RFX2: variants seen among roughly 807,000 people sequenced by gnomAD.
RFX2 encodes DNA-binding protein RFX2.
A neutral mutation model predicts 87.8 loss-of-function variants in RFX2; 20 were observed. That is an observed-to-expected ratio of 0.23 (90% CI 0.16 to 0.33). RFX2 has a LOEUF of 0.33. Ranked by LOEUF, RFX2 falls within the 10% of genes least tolerant of loss-of-function variation. The pLI is 1.00. For missense variants in RFX2, 767 were observed against 1,012.3 expected (o/e 0.76, Z 3.29); for synonymous variants, 397 against 431.3 (o/e 0.92, Z 0.98).
chr19:6,039,855 G>A lies in RFX2; in HGVS notation c.522+125C>T, dbSNP rs1208055568. ...GCTGGCCCGACTCCATCGTGGGGCC[G>A]CCTGGGCCCAGAGCAGACGACAGCC... On this transcript the variant is annotated intron_variant, in intron 5 of 17. Transcript: ENST00000303657. The surrounding 1 kb of genome is among the most constrained non-coding windows in gnomAD (Gnocchi z 5.2). The A allele has an allele frequency of 4.2e-6, 5 of 1,187,966 alleles. No homozygotes were observed. Among genetic ancestry groups the A allele is most frequent in the Admixed American group, 3.0e-5 (1 of 33,724 alleles). 73.6% of individuals were successfully genotyped at this position (1,187,966 alleles called of 1,614,324 possible).
At chr19:6,055,057 C>T (rs972413523) in intron 1 of RFX2, among the ~76,000 whole-genome samples, 1 of 152,104 alleles carries the variant, frequency 6.6e-6, no homozygotes, top group African/African-American at 2.4e-5. Flanking sequence ...AAAAATGGTA[C>T]TTCACAAAGC....
At chr19:6,065,565 T>C (rs547607476) in intron 1 of RFX2, among the ~76,000 whole-genome samples, 79 of 152,200 alleles carry the variant, frequency 5.2e-4, no homozygotes, top group African/African-American at 1.8e-3. Context: ...AAGAATGGCG[T>C]GAACCCGGGA....
chr19:6,008,784 T>C (rs2086623743), intron 9 of RFX2, among the ~76,000 whole-genome samples: 1 of 151,754 alleles, frequency 6.6e-6, no homozygotes, highest in Non-Finnish European at 1.5e-5. Context: ...TTCAAGTGAT[T>C]CTCCTGTCTC....
chr19:6,085,811 G>A (rs1291201424), intron 1 of RFX2, among the ~76,000 whole-genome samples: 1 of 152,120 alleles, frequency 6.6e-6, no homozygotes, highest in Non-Finnish European at 1.5e-5. Flanking sequence ...AAAAGTCCTG[G>A]CTGGGCACAG....
In RFX2 at chr19:6,013,614, G is replaced by A. The variant is rs2086687537; in HGVS notation, c.780-509C>T. Among the ~76,000 whole-genome samples, 1 of 152,022 alleles carries A rather than the reference G, an allele frequency of 6.6e-6. No individual in the cohort carries two copies. Among genetic ancestry groups the A allele is most frequent in the Admixed American group, 6.6e-5 (1 of 15,266 alleles). ...GAGGTCACTATCACTTGACCTCCTG[G>A]GATCAAGTGATCCTCCTGCCTCAGC... is the stretch of plus-strand genomic sequence containing the variant. On this transcript the variant is annotated intron_variant, in intron 7 of 17. Coordinates refer to ENST00000303657, the MANE Select transcript of RFX2 (RefSeq NM_000635.4). This position sits in a 1 kb window ranked among gnomAD's most constrained non-coding sequence, Gnocchi z 4.1.
chr19:6,068,388 G>A (rs1474159162), intron 1 of RFX2: 3 of 152,162 alleles, frequency 2.0e-5, no homozygotes, highest in African/African-American at 4.8e-5. Context: ...TAGACCATGC[G>A]GGAGGATAGG....
At chr19:6,065,083 T>C (rs2087490681) in intron 1 of RFX2, among the ~76,000 whole-genome samples, 1 of 152,224 alleles carries the variant, frequency 6.6e-6, no homozygotes, top group Admixed American at 6.5e-5. Flanking sequence ...CTCTAATTCC[T>C]GAAAAATGAC....
chr19:6,021,494 G>C lies in RFX2; in HGVS notation c.597+4669C>G, dbSNP rs537077755. Among the ~76,000 whole-genome samples, 2 of 152,180 alleles carry C rather than the reference G, an allele frequency of 1.3e-5. No individual in the cohort carries two copies. Among genetic ancestry groups the C allele is most frequent in the East Asian group, 1.9e-4 (1 of 5,186 alleles). On this transcript the variant is annotated intron_variant, in intron 6 of 17. Transcript: ENST00000303657. The surrounding 1 kb of genome is among the most constrained non-coding windows in gnomAD (Gnocchi z 5.7). ...GAGGGACTGGAGGGAGGACTGCAACGGTATAGTAAGTTGAGGTGGGGTGGG... is the reference window on the plus strand; with the variant it reads ...GAGGGACTGGAGGGAGGACTGCAACCGTATAGTAAGTTGAGGTGGGGTGGG...
chr19:6,081,226 C>T (rs1233117348), intron 1 of RFX2, among the ~76,000 whole-genome samples: 2 of 152,056 alleles, frequency 1.3e-5, no homozygotes, highest in East Asian at 1.9e-4. Flanking sequence ...GTCTGCTTCC[C>T]GGCCGGGTAT....
chr19:5,994,726 ACAT>A lies in RFX2; in HGVS notation c.*106_*108del, dbSNP rs2144652120. ...GGAGCCCCCGCTTGAGTCAAAGTAA[ACAT>A]CACATCATCTAAGAGGCACTAATTT... On this transcript the variant is annotated 3_prime_UTR_variant, in exon 18 of 18. Coordinates refer to ENST00000303657, the MANE Select transcript of RFX2 (RefSeq NM_000635.4). 1 of 710,420 alleles carries A rather than the reference ACAT, an allele frequency of 1.4e-6. No individual in the cohort carries two copies. Among genetic ancestry groups the A allele is most frequent in the East Asian group, 2.7e-5 (1 of 36,922 alleles). 44.0% of individuals were successfully genotyped at this position (710,420 alleles called of 1,614,324 possible).
rs1037768102 is a variant in RFX2 at position 6,026,452 on chromosome 19, G to T, written c.523-215C>A. On this transcript the variant is annotated intron_variant, in intron 5 of 17. Coordinates refer to ENST00000303657, the MANE Select transcript of RFX2 (RefSeq NM_000635.4). This position sits in a 1 kb window ranked among gnomAD's most constrained non-coding sequence, Gnocchi z 4.5. Reference sequence around the variant, plus strand: ...AGGGAGTGTTGCTTCGCACACGTAGGTAAGCCCGAGAGCCCGTCCAACAGA... The same window carrying T: ...AGGGAGTGTTGCTTCGCACACGTAGTTAAGCCCGAGAGCCCGTCCAACAGA... The T allele has an allele frequency of 5.1e-6, 3 of 589,918 alleles. No individual in the cohort carries two copies. The highest frequency in any genetic ancestry group is 9.0e-6 in the Non-Finnish European group (3 of 332,900). 36.5% of individuals were successfully genotyped at this position (589,918 alleles called of 1,614,324 possible). A position where few individuals can be genotyped will look rare whatever the true frequency, so the allele number is the denominator to read the frequency against.
rs192185915 is a variant in RFX2, at chr19:6,052,337, A to G, written c.-8-4833T>C. ...GATGATCAATTTATCAGTATGACAT[A>G]TTGATTACAGATATGTATGTACCTA... On this transcript the variant is annotated intron_variant, in intron 1 of 17. Coordinates refer to ENST00000303657, the MANE Select transcript of RFX2 (RefSeq NM_000635.4). Among the ~76,000 whole-genome samples, 434 of 152,352 alleles carry G rather than the reference A, an allele frequency of 2.8e-3. 2 individuals carry two copies. Among genetic ancestry groups the G allele is most frequent in the African/African-American group, 9.7e-3 (404 of 41,590 alleles).
chr19:6,092,723 G>A (rs1423033297), intron 1 of RFX2, among the ~76,000 whole-genome samples: 1 of 151,804 alleles, frequency 6.6e-6, no homozygotes, highest in Non-Finnish European at 1.5e-5. Flanking sequence ...CAGAGGAGGG[G>A]CCGGGGGAGG....
At chr19:6,035,017 C>T (rs1177837356) in intron 5 of RFX2, among the ~76,000 whole-genome samples, 1 of 152,232 alleles carries the variant, frequency 6.6e-6, no homozygotes, top group Non-Finnish European at 1.5e-5. Context: ...ATTTTAACTT[C>T]AGCTGCAATT....
At position 6,016,216 on chromosome 19, in the gene RFX2, C is replaced by T; in HGVS notation, c.653G>A (p.Ser218Asn). The part of the protein sequence containing the change: ...ETAEGVSLPR[S>N]SLYNHYLRHC... ...CCGAAGGTAGTGGTTGTAAAGAGAA[C>T]TTCTGGGGAGACTCACACCTTCCGC... Residue 218 changes from serine to asparagine, a missense_variant, in exon 7 of 18, where the codon AGT becomes AAT. By Grantham distance (46) the Ser-to-Asn change is conservative. Coordinates refer to ENST00000303657, the MANE Select transcript of RFX2 (RefSeq NM_000635.4). The surrounding 1 kb of genome is among the most constrained non-coding windows in gnomAD (Gnocchi z 5.4). 2 of 1,613,894 alleles carry T rather than the reference C, an allele frequency of 1.2e-6. No homozygotes were observed. Among genetic ancestry groups the T allele is most frequent in the Non-Finnish European group, 8.5e-7 (1 of 1,179,822 alleles).
chr19:6,076,139 A>G (rs550719131), intron 1 of RFX2, among the ~76,000 whole-genome samples: 1 of 152,298 alleles, frequency 6.6e-6, no homozygotes, highest in East Asian at 1.9e-4. Context: ...CATGAGTTCG[A>G]GAGCAGCCTG....
chr19:6,105,715 T>G (rs1366793608), intron 1 of RFX2, among the ~76,000 whole-genome samples: 2 of 152,022 alleles, frequency 1.3e-5, no homozygotes, highest in Non-Finnish European at 2.9e-5. Flanking sequence ...CGAGGCATGG[T>G]CAGGTTCTGG....
chr19:6,032,182 C>T (rs907183195), intron 5 of RFX2, among the ~76,000 whole-genome samples: 3 of 151,904 alleles, frequency 2.0e-5, no homozygotes, highest in Non-Finnish European at 2.9e-5. Context: ...AGTGCAGTGG[C>T]GCGATCTCGG....
chr19:6,026,440 T>C lies in RFX2; in HGVS notation c.523-203A>G. On this transcript the variant is annotated intron_variant, in intron 5 of 17. Transcript: ENST00000303657. This position sits in a 1 kb window ranked among gnomAD's most constrained non-coding sequence, Gnocchi z 4.5. The stretch of plus-strand genomic sequence containing the variant: ...GAAAGCTGCGGTAGGGAGTGTTGCT[T>C]CGCACACGTAGGTAAGCCCGAGAGC... 1.7e-6 allele frequency: 1 copy of C among 597,922 alleles called. No homozygotes were observed. The highest frequency in any genetic ancestry group is 3.0e-5 in the Admixed American group (1 of 33,620). 37.0% of individuals were successfully genotyped at this position (597,922 alleles called of 1,614,324 possible).
Sources: gnomAD v4.1 joint callset for allele counts (sites outside exome capture counted in the v4.1 genomes callset) on GRCh38, gnomAD v4.1.1 for gene constraint, Gnocchi (gnomAD v3.1) non-coding constraint, MANE v1.5 for transcripts, NCBI Gene and HGNC (gene_info 2026-07-23, HGNC 2026-07-21) for gene names.